SYNDIG1: variants seen among roughly 807,000 people sequenced by gnomAD.
SYNDIG1 encodes synapse differentiation-inducing gene protein 1.
In SYNDIG1, 9 loss-of-function variants were observed where a neutral mutation model predicts 19.4. That is an observed-to-expected ratio of 0.46 (90% CI 0.28 to 0.81). The LOEUF is 0.81. Ranked by LOEUF, SYNDIG1 falls within the 30% of genes least tolerant of loss-of-function variation. The pLI is 0.12. For synonymous variants in SYNDIG1, 141 were observed against 145.9 expected, an observed-to-expected ratio of 0.97 and a Z score of 0.24; for missense variants, 311 against 343.3, an observed-to-expected ratio of 0.91 and a Z score of 0.74.
intron 3 of SYNDIG1, among the ~76,000 whole-genome samples, chr20:24,633,572 G>A (rs2059278815): frequency 6.6e-6 from 1 of 152,210 alleles, no homozygotes; most frequent in African/African-American, 2.4e-5. Flanking sequence ...TGGAAGAAAT[G>A]GCAGCATTCA....
intron 3 of SYNDIG1, among the ~76,000 whole-genome samples, chr20:24,624,666 A>G (rs1195165186): frequency 1.3e-5 from 2 of 152,264 alleles, no homozygotes; most frequent in African/African-American, 4.8e-5. Context: ...AAATCATAAA[A>G]AATGACCTGA....
intron 1 of SYNDIG1, among the ~76,000 whole-genome samples, chr20:24,506,995 C>T (rs1222027592): frequency 6.6e-6 from 1 of 152,194 alleles, no homozygotes; most frequent in Admixed American, 6.5e-5. Context: ...CAGAAGCCCC[C>T]TGAGATAAGG....
intron 2 of SYNDIG1, among the ~76,000 whole-genome samples, chr20:24,577,629 A>G (rs2058251173): frequency 6.6e-6 from 1 of 152,210 alleles, no homozygotes; most frequent in South Asian, 2.1e-4. Flanking sequence ...ACCAGAGAAC[A>G]TGAGTGCACC....
chr20:24,562,188 C>T (rs1486539389), intron 2 of SYNDIG1, among the ~76,000 whole-genome samples: 1 of 151,928 alleles, frequency 6.6e-6, no homozygotes. Context: ...TCAGTTTCAC[C>T]TCCTTATAGT....
intron 1 of SYNDIG1, among the ~76,000 whole-genome samples, chr20:24,494,631 T>A (rs1192384114): frequency 3.3e-5 from 5 of 152,060 alleles, no homozygotes; most frequent in Admixed American, 3.3e-4. Flanking sequence ...GAGAGGTGCA[T>A]GTGGCCGGGA....
At chr20:24,653,700 C>G (rs1016782157) in intron 3 of SYNDIG1, among the ~76,000 whole-genome samples, 1 of 152,226 alleles carries the variant, frequency 6.6e-6, no homozygotes, top group Non-Finnish European at 1.5e-5. Context: ...GCTGCCATAA[C>G]AAAATGCCAG....
At position 24,645,369 on chromosome 20, in the gene SYNDIG1, T is replaced by G. The variant is rs1264826060; in HGVS notation, c.619-19977T>G. 2.0e-5 allele frequency among the ~76,000 whole-genome samples: 3 copies of G among 152,362 alleles called. No individual in the cohort carries two copies. The East Asian group carries it at 5.8e-4, about 29-fold the overall frequency. On this transcript the variant is annotated intron_variant, in intron 3 of 3. Transcript: ENST00000376862. Reference sequence around the variant, plus strand: ...CAGCTCGTTTACCCACAACTCGAGATGAGCAGACCAAATAGCTGGTTTTCC... The same window carrying G: ...CAGCTCGTTTACCCACAACTCGAGAGGAGCAGACCAAATAGCTGGTTTTCC...
chr20:24,559,269 C>T (rs2057888281), intron 2 of SYNDIG1, among the ~76,000 whole-genome samples: 1 of 152,094 alleles, frequency 6.6e-6, no homozygotes. Flanking sequence ...ATGTTCACCT[C>T]CTAAGTGGGT....
In SYNDIG1 at chr20:24,543,590, G is replaced by A. The variant is rs1482259447; in HGVS notation, c.480+13G>A. On this transcript the variant is annotated intron_variant, in intron 2 of 3. Transcript: ENST00000376862. ...CCAGGAGCTGGAGGTCACAGGATGT[G>A]TTTGTCAGAGGCCCTCTAAGAATGT... 1.9e-6 allele frequency: 3 copies of A among 1,594,924 alleles called. No individual in the cohort carries two copies. Among genetic ancestry groups the A allele is most frequent in the Middle Eastern group, 1.7e-4 (1 of 6,046 alleles).
intron 1 of SYNDIG1, among the ~76,000 whole-genome samples, chr20:24,505,021 G>A (rs1039261233): frequency 2.0e-5 from 3 of 152,270 alleles, no homozygotes; most frequent in African/African-American, 7.2e-5. Flanking sequence ...TTTCATGGAG[G>A]AGGTGGTGAA....
At chr20:24,613,972 G>A (rs988182755) in intron 3 of SYNDIG1, among the ~76,000 whole-genome samples, 1 of 152,158 alleles carries the variant, frequency 6.6e-6, no homozygotes, top group Non-Finnish European at 1.5e-5. Flanking sequence ...CACTCTGATC[G>A]CCAGCGGGGT....
At position 24,666,478 on chromosome 20, in the gene SYNDIG1, C is replaced by G. The variant is rs2059647872; in HGVS notation, c.*974C>G. The stretch of plus-strand genomic sequence containing the variant: ...AAAGTGCAACTCTTGCTTCATGCTG[C>G]TTAAGTTACCAGATGAATGCTGAGA... On this transcript the variant is annotated 3_prime_UTR_variant, in exon 4 of 4. Transcript: ENST00000376862. The G allele has an allele frequency of 6.6e-6, 1 of 152,640 alleles. No individual in the cohort carries two copies. The highest frequency in any genetic ancestry group is 1.5e-5 in the Non-Finnish European group (1 of 68,056). 9.5% of individuals were successfully genotyped at this position (152,640 alleles called of 1,614,324 possible). A position where few individuals can be genotyped will look rare whatever the true frequency, so the allele number is the denominator to read the frequency against.
In SYNDIG1 at chr20:24,585,001, C is replaced by G. The variant is rs554172986; in HGVS notation, c.618+8C>G. 1 of 1,600,948 alleles carries G rather than the reference C, an allele frequency of 6.2e-7. No individual in the cohort carries two copies. Among genetic ancestry groups the G allele is most frequent in the Admixed American group, 1.7e-5 (1 of 59,340 alleles). ...TTCTACTTGTCCCATGAGGTAAGGC[C>G]TCCTTGGTCTGTCGCACGTGGTGTG... On this transcript the variant is annotated splice_region_variant and intron_variant, in intron 3 of 3. Transcript: ENST00000376862.
intron 3 of SYNDIG1, among the ~76,000 whole-genome samples, chr20:24,661,871 C>G (rs927068855): frequency 6.6e-6 from 1 of 152,116 alleles, no homozygotes; most frequent in African/African-American, 2.4e-5. Context: ...TAGAACCATT[C>G]CCCAAAATGT....
rs1293174308 is a variant in SYNDIG1 at position 24,556,050 on chromosome 20, C to T, written c.480+12473C>T. Among the ~76,000 whole-genome samples, 11 of 152,216 alleles carry T rather than the reference C, an allele frequency of 7.2e-5. No individual in the cohort carries two copies. The East Asian group carries it at 1.2e-3, about 16-fold the overall frequency. On this transcript the variant is annotated intron_variant, in intron 2 of 3. Coordinates refer to ENST00000376862, the MANE Select transcript of SYNDIG1 (RefSeq NM_024893.3). ...CTTCTTGTTGAATTGATCCCTTTACCGTTACGTAATGGCCTTCTTTGTCTC... is the reference window on the plus strand; with the variant it reads ...CTTCTTGTTGAATTGATCCCTTTACTGTTACGTAATGGCCTTCTTTGTCTC...
intron 1 of SYNDIG1, among the ~76,000 whole-genome samples, chr20:24,508,218 AT>A (rs34436263): frequency 0.02 from 1,448 of 73,002 alleles, 9 homozygotes; most frequent in African/African-American, 0.082. Flanking sequence ...AAGGAGGATA[AT>A]TTTTTTTTTT....
chr20:24,559,676 C>A (rs182680563), intron 2 of SYNDIG1, among the ~76,000 whole-genome samples: 5 of 152,270 alleles, frequency 3.3e-5, no homozygotes, highest in Admixed American at 3.3e-4. Context: ...GGAACAAATT[C>A]ATTCAGCCTT....
chr20:24,538,596 A>G (rs2057406989), intron 1 of SYNDIG1, among the ~76,000 whole-genome samples: 1 of 152,148 alleles, frequency 6.6e-6, no homozygotes, highest in African/African-American at 2.4e-5. Context: ...CCCTGTTTTC[A>G]ACTCCTTTTG....
At position 24,476,666 on chromosome 20, in the gene SYNDIG1, A is replaced by T. The variant is rs374044767; in HGVS notation, c.-79+6913A>T. On this transcript the variant is annotated intron_variant, in intron 1 of 3. Transcript: ENST00000376862. ...GCCTGGGTGACAGAGCAAGACTCCA[A>T]CTAAAAAAAAAACAAACAAACAAAC... Among the ~76,000 whole-genome samples the T allele has an allele frequency of 2.0e-4, 30 of 151,996 alleles. No homozygotes were observed. In the East Asian group the frequency reaches 2.1e-3, roughly 11 times the overall value.
Sources: gnomAD v4.1 joint callset for allele counts (sites outside exome capture counted in the v4.1 genomes callset) on GRCh38, gnomAD v4.1.1 for gene constraint, MANE v1.5 for transcripts, NCBI Gene and HGNC (gene_info 2026-07-23, HGNC 2026-07-21) for gene names.